DLGAP4: variants seen among roughly 807,000 people sequenced by gnomAD.
DLGAP4 encodes the protein disks large-associated protein 4.
DLGAP4 carries 18 observed loss-of-function variants against 86.9 expected under a neutral mutation model. That is an observed-to-expected ratio of 0.21 (90% CI 0.14 to 0.31). The LOEUF (loss-of-function observed/expected upper bound fraction) is 0.31, where lower values mean the gene tolerates loss of function less well. Among genes scored for constraint, DLGAP4 ranks in the 10% least tolerant of loss-of-function variants. DLGAP4 has a pLI of 1.00. For synonymous variants in DLGAP4, 548 were observed against 574.3 expected (o/e 0.95, Z 0.65); for missense variants, 1,085 against 1,362.6 (o/e 0.80, Z 3.21).
rs764270106 is a variant in DLGAP4, at chr20:36,501,924, A to G, written c.2512+1313A>G. ...ATCAAAACAGAGACAAGGATCAGAG[A>G]GCATTAAAAGGCTTCTAAGAGAAAA... On this transcript the variant is annotated intron_variant, in intron 10 of 12. Transcript: ENST00000339266. Among the ~76,000 whole-genome samples the G allele has an allele frequency of 3.9e-4, 60 of 152,346 alleles. 1 individual carries two copies. The highest frequency in any genetic ancestry group is 3.4e-3 in the Middle Eastern group (1 of 294).
At chr20:36,472,666 C>T (rs1311663092) in intron 7 of DLGAP4, among the ~76,000 whole-genome samples, 2 of 152,090 alleles carry the variant, frequency 1.3e-5, no homozygotes, top group Admixed American at 6.5e-5. Flanking sequence ...ATTTGACTCT[C>T]CTAGTCCTTA....
At chr20:36,437,712 G>T (rs1401973553) in intron 4 of DLGAP4, among the ~76,000 whole-genome samples, 1 of 152,162 alleles carries the variant, frequency 6.6e-6, no homozygotes. Flanking sequence ...GGAGGAGGTG[G>T]CCTGGGAAGA....
intron 1 of DLGAP4, among the ~76,000 whole-genome samples, chr20:36,358,397 G>C (rs555027287): frequency 6.6e-6 from 1 of 152,188 alleles, no homozygotes; most frequent in Admixed American, 6.5e-5. Flanking sequence ...GTCAGACCCT[G>C]AGTACCTGAG....
intron 10 of DLGAP4, among the ~76,000 whole-genome samples, chr20:36,518,454 G>A (rs1001039068): frequency 2.0e-5 from 3 of 151,736 alleles, no homozygotes; most frequent in African/African-American, 7.3e-5. Context: ...CCTTACTAAT[G>A]TCTTAAATTG....
chr20:36,520,220 G>C (rs548384450), intron 10 of DLGAP4, among the ~76,000 whole-genome samples: 5 of 151,934 alleles, frequency 3.3e-5, no homozygotes, highest in Admixed American at 1.3e-4. Context: ...TTTAAAACTG[G>C]GTTTATCTTT....
chr20:36,353,601 C>T lies in DLGAP4; in HGVS notation c.-303-13444C>T, dbSNP rs369531132. 4.8e-4 allele frequency among the ~76,000 whole-genome samples: 73 copies of T among 152,360 alleles called. 1 individual carries two copies. The South Asian group carries it at 0.015, about 31-fold the overall frequency. On this transcript the variant is annotated intron_variant, in intron 1 of 12. Transcript: ENST00000339266. ...TGCAGGCCACAGGGGGCCCAGGAGC[C>T]GTACAGCTGGGGAAGCTGAGGCCTG...
chr20:36,524,176 A>G, intron 10 of DLGAP4, 74 bp from the exon 11 acceptor site: 1 of 1,224,526 alleles, frequency 8.2e-7, no homozygotes, highest in Non-Finnish European at 1.2e-6. Flanking sequence ...GTGGGAGGAG[A>G]TTAAAAGCAT....
At chr20:36,331,848 C>T (rs1358944506) in intron 1 of DLGAP4, among the ~76,000 whole-genome samples, 1 of 152,122 alleles carries the variant, frequency 6.6e-6, no homozygotes, top group Non-Finnish European at 1.5e-5. Context: ...GACATTTGAG[C>T]TGAGACCTGA....
At chr20:36,413,359 G>A (rs2032558235) in intron 2 of DLGAP4, among the ~76,000 whole-genome samples, 1 of 147,778 alleles carries the variant, frequency 6.8e-6, no homozygotes, top group Non-Finnish European at 1.5e-5. Context: ...GTCCTCCCTA[G>A]CCTCTGGCAA....
chr20:36,350,504 A>G lies in DLGAP4; in HGVS notation c.-303-16541A>G, dbSNP rs1427980073. 1.3e-5 allele frequency among the ~76,000 whole-genome samples: 2 copies of G among 152,180 alleles called. No homozygotes were observed. Among genetic ancestry groups the G allele is most frequent in the Non-Finnish European group, 2.9e-5 (2 of 68,020 alleles). On this transcript the variant is annotated intron_variant, in intron 1 of 12. Transcript: ENST00000339266. This position sits in a 1 kb window ranked among gnomAD's most constrained non-coding sequence, Gnocchi z 4.4. Reference sequence around the variant, plus strand: ...ATTTGCAGGTGCTTAATGAAAATGCATGCCTCACTTCCCTGGACTGTGAAA... The same window carrying G: ...ATTTGCAGGTGCTTAATGAAAATGCGTGCCTCACTTCCCTGGACTGTGAAA...
Position 36,383,983 on chromosome 20 carries a change from C to CAA in DLGAP4, c.-73+16724_-73+16725dup, listed in dbSNP as rs970619133. ...TGGGTGAAAGAGCGAGACTCCGTCT[C>CAA]AAAAAAAAAAAAAAAAAGAAAGAAA... On this transcript the variant is annotated intron_variant, in intron 2 of 12. Transcript: ENST00000339266. 5.1e-3 allele frequency among the ~76,000 whole-genome samples: 332 copies of CAA among 64,972 alleles called. 2 individuals are homozygous for CAA. Among genetic ancestry groups the CAA allele is most frequent in the African/African-American group, 0.014 (315 of 23,246 alleles). The allele number at this position is 64,972 out of a possible 152,430, so 42.6% of individuals were successfully genotyped here. A position where few individuals can be genotyped will look rare whatever the true frequency, so the allele number is the denominator to read the frequency against.
At chr20:36,368,803 C>T (rs980603681) in intron 2 of DLGAP4, among the ~76,000 whole-genome samples, 1 of 152,246 alleles carries the variant, frequency 6.6e-6, no homozygotes, top group Non-Finnish European at 1.5e-5. Context: ...TGTTTGGCAT[C>T]GCACTAAATG....
At chr20:36,443,677 C>T (rs1453924993) in intron 6 of DLGAP4, among the ~76,000 whole-genome samples, 1 of 152,050 alleles carries the variant, frequency 6.6e-6, no homozygotes, top group East Asian at 1.9e-4. Flanking sequence ...ATACAAAGCC[C>T]CCAGGACAGT....
intron 12 of DLGAP4, among the ~76,000 whole-genome samples, chr20:36,526,501 T>C (rs1044050420): frequency 2.0e-5 from 3 of 152,104 alleles, no homozygotes; most frequent in Admixed American, 2.0e-4. Flanking sequence ...TCTCTGACTG[T>C]GACTCGGGCT....
At chr20:36,449,671 G>A (rs561208784) in intron 7 of DLGAP4, among the ~76,000 whole-genome samples, 12 of 152,312 alleles carry the variant, frequency 7.9e-5, no homozygotes, top group African/African-American at 2.6e-4. Flanking sequence ...AGTGGGCCTG[G>A]AGGGATAGAC....
chr20:36,329,828 C>T (rs548116110), intron 1 of DLGAP4, among the ~76,000 whole-genome samples: 1 of 152,288 alleles, frequency 6.6e-6, no homozygotes, highest in Non-Finnish European at 1.5e-5. Context: ...GTTAGGAGTT[C>T]AAGACCAGCC....
intron 2 of DLGAP4, among the ~76,000 whole-genome samples, chr20:36,375,690 G>A (rs1311412919): frequency 1.3e-5 from 2 of 152,304 alleles, no homozygotes; most frequent in Non-Finnish European, 2.9e-5. Context: ...GATGAATAGG[G>A]ATTCTCCAGG....
chr20:36,369,208 C>G (rs1485941706), intron 2 of DLGAP4, among the ~76,000 whole-genome samples: 1 of 152,184 alleles, frequency 6.6e-6, no homozygotes, highest in Admixed American at 6.5e-5. Context: ...GCAGAGGCAG[C>G]CAGGAGTGCT....
At chr20:36,495,437 G>C (rs2035848463) in intron 7 of DLGAP4, among the ~76,000 whole-genome samples, 1 of 152,194 alleles carries the variant, frequency 6.6e-6, no homozygotes, top group African/African-American at 2.4e-5. Context: ...CCCAGACCAG[G>C]GTAGGGGCTT....
Sources: gnomAD v4.1 joint callset for allele counts (sites outside exome capture counted in the v4.1 genomes callset) on GRCh38, gnomAD v4.1.1 for gene constraint, Gnocchi (gnomAD v3.1) non-coding constraint, MANE v1.5 for transcripts, NCBI Gene and HGNC (gene_info 2026-07-23, HGNC 2026-07-21) for gene names.